Variants in EYS observed in about 807,000 individuals in gnomAD.
The protein encoded by EYS is protein eyes shut homolog.
Under a neutral mutation model 282.1 loss-of-function variants are expected in EYS, and 250 were observed. That is an observed-to-expected ratio of 0.89 (90% CI 0.80 to 0.98). EYS has a LOEUF of 0.98. Ranked by LOEUF, EYS falls within the 50% of genes least tolerant of loss-of-function variation. The pLI is 0.00. For missense variants in EYS, 4,016 were observed against 3,709.0 expected, an observed-to-expected ratio of 1.08 and a Z score of -2.15; for synonymous variants, 1,355 against 1,282.9, an observed-to-expected ratio of 1.06 and a Z score of -1.20.
intron 26 of EYS, among the ~76,000 whole-genome samples, chr6:64,551,187 T>C (rs1228945841): frequency 6.7e-6 from 1 of 149,308 alleles, no homozygotes; most frequent in Non-Finnish European, 1.5e-5. Flanking sequence ...TACACACATA[T>C]ATACATATAT....
chr6:63,857,669 C>T, intron 36 of EYS: 1 of 448,458 alleles, frequency 2.2e-6, no homozygotes, highest in Non-Finnish European at 4.6e-6. Flanking sequence ...GCTACTCAAG[C>T]ACTACTTGTT....
chr6:65,675,472 A>G (rs1404966718), intron 1 of EYS, among the ~76,000 whole-genome samples: 1 of 151,942 alleles, frequency 6.6e-6, no homozygotes, highest in Non-Finnish European at 1.5e-5. Context: ...AGGTAGCCAT[A>G]TTTGTATCAG....
intron 28 of EYS, among the ~76,000 whole-genome samples, chr6:64,419,311 T>C (rs72889631): frequency 0.28 from 42,054 of 151,936 alleles, 5,956 homozygotes; most frequent in East Asian, 0.46. Flanking sequence ...CTCCACCAAG[T>C]GAGAATTATG....
intron 13 of EYS, among the ~76,000 whole-genome samples, chr6:65,010,471 A>G (rs1294553774): frequency 2.6e-5 from 4 of 152,234 alleles, no homozygotes; most frequent in South Asian, 2.1e-4. Context: ...CAGACAATGA[A>G]GAAAAGATAG....
At chr6:64,534,796 C>CTT (rs199740002) in intron 26 of EYS, among the ~76,000 whole-genome samples, 25 of 146,414 alleles carry the variant, frequency 1.7e-4, no homozygotes, top group Non-Finnish European at 2.7e-4. Context: ...TTAACACCAT[C>CTT]TTTTTTTTTT....
chr6:65,151,556 C>T (rs938321509), intron 12 of EYS, among the ~76,000 whole-genome samples: 12 of 151,980 alleles, frequency 7.9e-5, no homozygotes, highest in African/African-American at 2.7e-4. Flanking sequence ...AGCTGTCTAA[C>T]AGCATTCCTT....
chr6:65,221,013 A>G (rs62407250), intron 12 of EYS, among the ~76,000 whole-genome samples: 39,510 of 152,140 alleles, frequency 0.26, 5,429 homozygotes, highest in African/African-American at 0.33. Context: ...GAAACTTCTA[A>G]GCAGCAAAGT....
intron 2 of EYS, among the ~76,000 whole-genome samples, chr6:65,619,593 G>C (rs1447758870): frequency 6.6e-6 from 1 of 151,964 alleles, no homozygotes; most frequent in African/African-American, 2.4e-5. Flanking sequence ...ACACTATGTT[G>C]AATAGGAGTG....
At chr6:65,136,101 A>T (rs796741340) in intron 12 of EYS, among the ~76,000 whole-genome samples, 6 of 152,156 alleles carry the variant, frequency 3.9e-5, no homozygotes, top group African/African-American at 1.4e-4. Context: ...AATTCCTGTC[A>T]ATGTGGCCTT....
At chr6:64,545,192 C>T (rs557392455) in intron 26 of EYS, among the ~76,000 whole-genome samples, 1 of 152,270 alleles carries the variant, frequency 6.6e-6, no homozygotes, top group East Asian at 1.9e-4. Context: ...GGGCTTCATC[C>T]CTGGGATGCA....
At chr6:65,409,057 G>C (rs1028830551) in intron 5 of EYS, among the ~76,000 whole-genome samples, 1 of 152,056 alleles carries the variant, frequency 6.6e-6, no homozygotes, top group African/African-American at 2.4e-5. Context: ...AGTTTTGTGA[G>C]GGTTGAGGAA....
chr6:64,172,333 A>T lies in EYS; in HGVS notation c.6424+58259T>A, dbSNP rs543150056. Among the ~76,000 whole-genome samples the T allele has an allele frequency of 6.6e-5, 10 of 152,224 alleles. No homozygotes were observed. In the South Asian group the frequency reaches 1.9e-3, roughly 28 times the overall value. On this transcript the variant is annotated intron_variant, in intron 31 of 42. Transcript: ENST00000503581. ...TATACAGCAGATCTCTAAAACTTAT[A>T]TGTCTTATATAACTGAAACTTTATA...
chr6:63,828,213 G>T (rs995441438), intron 36 of EYS, among the ~76,000 whole-genome samples: 2 of 151,968 alleles, frequency 1.3e-5, no homozygotes, highest in African/African-American at 4.8e-5. Flanking sequence ...ACCAGCAGAA[G>T]AAAGGAAATA....
At chr6:63,891,570 A>G (rs890823049) in intron 35 of EYS, among the ~76,000 whole-genome samples, 1 of 152,218 alleles carries the variant, frequency 6.6e-6, no homozygotes, top group Admixed American at 6.5e-5. Context: ...TAAACTAGGT[A>G]TTGATGGAAC....
intron 5 of EYS, among the ~76,000 whole-genome samples, chr6:65,468,438 G>A (rs901091019): frequency 2.0e-5 from 3 of 152,000 alleles, no homozygotes; most frequent in Non-Finnish European, 4.4e-5. Context: ...TCTACGGCCT[G>A]GGTGCTTCAG....
In EYS at chr6:65,639,881, T is replaced by C. The variant is rs1230700251; in HGVS notation, c.-436A>G. 1.3e-5 allele frequency: 2 copies of C among 151,984 alleles called. No individual in the cohort carries two copies. Among genetic ancestry groups the C allele is most frequent in the Non-Finnish European group, 2.9e-5 (2 of 67,994 alleles). 9.4% of individuals were successfully genotyped at this position (151,984 alleles called of 1,614,324 possible). A position where few individuals can be genotyped will look rare whatever the true frequency, so the allele number is the denominator to read the frequency against. On this transcript the variant is annotated 5_prime_UTR_variant, in exon 2 of 43. Transcript: ENST00000503581. Reference sequence around the variant, plus strand: ...TGACTCCCCAGGTGTAAGAGAAGAGTGAGGCACAAAGCTGGAAAAAAAGAA... The same window carrying C: ...TGACTCCCCAGGTGTAAGAGAAGAGCGAGGCACAAAGCTGGAAAAAAAGAA...
At chr6:64,161,792 G>C (rs1775115670) in intron 31 of EYS, among the ~76,000 whole-genome samples, 1 of 152,146 alleles carries the variant, frequency 6.6e-6, no homozygotes, top group African/African-American at 2.4e-5. Context: ...GATGATCTCT[G>C]TATATAGGTG....
intron 12 of EYS, among the ~76,000 whole-genome samples, chr6:65,214,902 G>T (rs1458292945): frequency 6.6e-6 from 1 of 152,102 alleles, no homozygotes; most frequent in Non-Finnish European, 1.5e-5. Flanking sequence ...AGTCCTGGAT[G>T]ATGGCACGTC....
At chr6:65,533,038 TA>T (rs1767836389) in intron 2 of EYS, among the ~76,000 whole-genome samples, 1 of 152,050 alleles carries the variant, frequency 6.6e-6, no homozygotes. Flanking sequence ...TGTTTTTAAT[TA>T]AAAATATGTA....
Sources: allele counts gnomAD v4.1 joint callset (sites outside exome capture counted in the v4.1 genomes callset), GRCh38; gene constraint gnomAD v4.1.1; transcripts MANE v1.5; gene names NCBI Gene and HGNC (gene_info 2026-07-23, HGNC 2026-07-21).